Variants in GRID2 observed in about 807,000 individuals in gnomAD.
GRID2 encodes glutamate receptor ionotropic, delta-2.
A neutral mutation model predicts 114.8 loss-of-function variants in GRID2; 33 were observed. The ratio of observed to expected loss-of-function variants is 0.29; its 90% CI spans 0.22 to 0.38. The LOEUF (loss-of-function observed/expected upper bound fraction) is 0.38, where lower values mean the gene tolerates loss of function less well. Among genes scored for constraint, GRID2 ranks in the 10% least tolerant of loss-of-function variants. The probability of loss-of-function intolerance (pLI) is 1.00; values close to 1 mark genes in which losing one functional copy is unlikely to be tolerated. For synonymous variants in GRID2, 505 were observed against 449.9 expected (o/e 1.12, Z -1.55); for missense variants, 1,184 against 1,257.7 (o/e 0.94, Z 0.89).
intron 2 of GRID2, among the ~76,000 whole-genome samples, chr4:93,048,570 C>A (rs987010269): frequency 1.3e-5 from 2 of 152,028 alleles, no homozygotes; most frequent in African/African-American, 4.8e-5. Context: ...TTCAAAAATG[C>A]TTCCTTCGCC....
chr4:93,774,353 G>A lies in GRID2; in HGVS notation c.*1855G>A, dbSNP rs2110345423. ...TAAAACAAAAAAATCTTTACAACAA[G>A]CTATATAGGGACATACCAGATGTTG... is the stretch of plus-strand genomic sequence containing the variant. On this transcript the variant is annotated 3_prime_UTR_variant, in exon 16 of 16. Transcript: ENST00000282020. 6.6e-6 allele frequency: 1 copy of A among 151,996 alleles called. No individual in the cohort carries two copies. Among genetic ancestry groups the A allele is most frequent in the African/African-American group, 2.4e-5 (1 of 41,470 alleles). 9.4% of individuals were successfully genotyped at this position (151,996 alleles called of 1,614,324 possible).
intron 1 of GRID2, among the ~76,000 whole-genome samples, chr4:92,339,010 G>T (rs1412336864): frequency 6.6e-6 from 1 of 151,868 alleles, no homozygotes; most frequent in African/African-American, 2.4e-5. Flanking sequence ...TAATCTTTAG[G>T]TGTGAAATAC....
intron 2 of GRID2, among the ~76,000 whole-genome samples, chr4:93,080,633 A>G (rs922170753): frequency 2.0e-5 from 3 of 152,154 alleles, no homozygotes; most frequent in African/African-American, 7.2e-5. Flanking sequence ...TTTTGGAAAG[A>G]CTATGGTGGA....
chr4:92,916,585 C>A (rs1469186507), intron 2 of GRID2, among the ~76,000 whole-genome samples: 1 of 151,994 alleles, frequency 6.6e-6, no homozygotes, highest in African/African-American at 2.4e-5. Flanking sequence ...TATTCAATTC[C>A]CACCTATGAG....
chr4:93,426,451 T>G (rs1403711947), intron 10 of GRID2, among the ~76,000 whole-genome samples: 1 of 152,274 alleles, frequency 6.6e-6, no homozygotes, highest in African/African-American at 2.4e-5. Context: ...AAATCCTTAA[T>G]GAGTTATTAT....
At chr4:92,920,866 C>G (rs1749260987) in intron 2 of GRID2, among the ~76,000 whole-genome samples, 1 of 152,078 alleles carries the variant, frequency 6.6e-6, no homozygotes, top group South Asian at 2.1e-4. Flanking sequence ...GTGGTGTTCT[C>G]TGTATTTCCT....
chr4:92,774,783 A>G (rs1237029407), intron 2 of GRID2, among the ~76,000 whole-genome samples: 1 of 151,784 alleles, frequency 6.6e-6, no homozygotes, highest in Non-Finnish European at 1.5e-5. Flanking sequence ...TTTTGTAGAA[A>G]TGGGGTTTTG....
chr4:93,398,276 C>A (rs1406909831), intron 9 of GRID2, among the ~76,000 whole-genome samples: 1 of 150,588 alleles, frequency 6.6e-6, no homozygotes, highest in African/African-American at 2.4e-5. Flanking sequence ...TGAAGAATAA[C>A]ATGCAAGGAG....
intron 1 of GRID2, among the ~76,000 whole-genome samples, chr4:92,545,344 G>C (rs1309371780): frequency 6.6e-6 from 1 of 152,114 alleles, no homozygotes; most frequent in Non-Finnish European, 1.5e-5. Flanking sequence ...GAATATCATA[G>C]CAATGCTGTT....
At chr4:92,939,698 G>C (rs1465786852) in intron 2 of GRID2, among the ~76,000 whole-genome samples, 1 of 147,194 alleles carries the variant, frequency 6.8e-6, no homozygotes. Flanking sequence ...TATGGTTTTA[G>C]GTCTAACATT....
In GRID2 at chr4:92,795,311, G is replaced by C. The variant is rs150253636; in HGVS notation, c.244+205025G>C. Among the ~76,000 whole-genome samples, 352 of 151,938 alleles carry C rather than the reference G, an allele frequency of 2.3e-3. 6 individuals carry two copies. In the East Asian group the frequency reaches 0.025, roughly 11 times the overall value. ...GTGCTATTCTAGTGATATTGAATAC[G>C]TCTCAAGAGATCTGATGGGTTTATC... is the stretch of plus-strand genomic sequence containing the variant. On this transcript the variant is annotated intron_variant, in intron 2 of 15. Coordinates refer to ENST00000282020, the MANE Select transcript of GRID2 (RefSeq NM_001510.4).
rs534361586 is a variant in GRID2, at chr4:92,884,662, C to T, written c.245-200333C>T. The T allele has an allele frequency of 8.0e-5, 14 of 175,940 alleles. No homozygotes were observed. The South Asian group carries it at 1.8e-3, about 22-fold the overall frequency. 10.9% of individuals were successfully genotyped at this position (175,940 alleles called of 1,614,324 possible). A position where few individuals can be genotyped will look rare whatever the true frequency, so the allele number is the denominator to read the frequency against. On this transcript the variant is annotated intron_variant, in intron 2 of 15. Coordinates refer to ENST00000282020, the MANE Select transcript of GRID2 (RefSeq NM_001510.4). ...GTTTTGCCTCAGGGAATAGGGAGGC[C>T]TATTGAACATTGAAACTCTGCCTCT...
chr4:92,639,370 A>G (rs1301860817), intron 2 of GRID2, among the ~76,000 whole-genome samples: 1 of 151,806 alleles, frequency 6.6e-6, no homozygotes, highest in Non-Finnish European at 1.5e-5. Context: ...ATAAAAACAA[A>G]TGAAGATTAA....
intron 2 of GRID2, among the ~76,000 whole-genome samples, chr4:93,081,803 T>G (rs1461519055): frequency 6.6e-6 from 1 of 152,236 alleles, no homozygotes; most frequent in African/African-American, 2.4e-5. Context: ...CTATATCAAA[T>G]GAACTGACTA....
chr4:93,497,856 A>G (rs1416555173), intron 12 of GRID2, among the ~76,000 whole-genome samples: 9 of 151,868 alleles, frequency 5.9e-5, no homozygotes. Flanking sequence ...AATCTTGTCT[A>G]TATCTACAAA....
chr4:93,318,023 T>A (rs925380686), intron 8 of GRID2, among the ~76,000 whole-genome samples: 93 of 70,776 alleles, frequency 1.3e-3, no homozygotes, highest in Admixed American at 0.013. Flanking sequence ...ATATATATAT[T>A]ACTACTTTCT....
At chr4:93,441,314 G>A (rs1721600523) in intron 10 of GRID2, among the ~76,000 whole-genome samples, 1 of 152,016 alleles carries the variant, frequency 6.6e-6, no homozygotes, top group Admixed American at 6.6e-5. Context: ...GGGCATAATT[G>A]TGAGGTATTG....
chr4:92,746,128 T>G (rs983782442), intron 2 of GRID2, among the ~76,000 whole-genome samples: 2 of 152,142 alleles, frequency 1.3e-5, no homozygotes, highest in Non-Finnish European at 2.9e-5. Context: ...TCAAAATATT[T>G]GTGCTGTCTC....
intron 1 of GRID2, among the ~76,000 whole-genome samples, chr4:92,394,527 A>G (rs62311036): frequency 0.011 from 1,712 of 152,118 alleles, 25 homozygotes; most frequent in Admixed American, 0.018. Context: ...TGCTTATATC[A>G]TTCTCTACTT....
Sources: allele counts gnomAD v4.1 joint callset (sites outside exome capture counted in the v4.1 genomes callset), GRCh38; gene constraint gnomAD v4.1.1; transcripts MANE v1.5; gene names NCBI Gene and HGNC (gene_info 2026-07-23, HGNC 2026-07-21).